Variants in ELN observed in about 807,000 individuals in gnomAD.
The protein encoded by ELN is tropoelastin.
Under a neutral mutation model 105.8 loss-of-function variants are expected in ELN, and 65 were observed. That is an observed-to-expected ratio of 0.61 (90% CI 0.50 to 0.75). The LOEUF (loss-of-function observed/expected upper bound fraction) is 0.75. Among genes scored for constraint, ELN ranks in the 30% least tolerant of loss-of-function variants. The pLI is 0.00. For synonymous variants in ELN, 368 were observed against 389.2 expected (o/e 0.95, Z 0.64); for missense variants, 882 against 969.4 (o/e 0.91, Z 1.20).
At chr7:74,048,903 T>TCATCCATC (rs1325839246) in intron 15 of ELN, among the ~76,000 whole-genome samples, 2 of 144,590 alleles carry the variant, frequency 1.4e-5, no homozygotes, top group African/African-American at 5.2e-5. Flanking sequence ...CTCCATCCAT[T>TCATCCATC]CATCCATCCA....
rs1250932435 is a variant in ELN at position 74,037,751 on chromosome 7, G to A, written c.196+12G>A. The A allele has an allele frequency of 2.5e-6, 4 of 1,610,932 alleles. No homozygotes were observed. The highest frequency in any genetic ancestry group is 3.4e-6 in the Non-Finnish European group (4 of 1,178,764). On this transcript the variant is annotated intron_variant, in intron 4 of 32. Coordinates refer to ENST00000252034, the MANE Select transcript of ELN (RefSeq NM_000501.4). ...ACCTCTTAAGCCAGGTAAGACCCAA[G>A]GCCTCGGAGCATTGAGAGACAGCGA...
chr7:74,045,805 T>A, intron 10 of ELN: 2 of 307,922 alleles, frequency 6.5e-6, no homozygotes, highest in South Asian at 6.7e-5. Context: ...TCCCAGCACT[T>A]TGGGAGGCCG....
chr7:74,039,561 G>A (rs1554667360), intron 4 of ELN, among the ~76,000 whole-genome samples: 1 of 152,210 alleles, frequency 6.6e-6, no homozygotes, highest in Non-Finnish European at 1.5e-5. Context: ...GCTTTTCCAC[G>A]TGGGCGCCAC....
At chr7:74,065,923 A>G in intron 30 of ELN, 21 bp from the exon 31 acceptor site, 1 of 1,613,828 alleles carries the variant, frequency 6.2e-7, no homozygotes, top group Non-Finnish European at 8.5e-7. Context: ...TCTTATCCTG[A>G]CCCCACCTGC....
At chr7:74,046,890 C>T in intron 12 of ELN, 123 bp downstream of exon 12, 1 of 1,131,868 alleles carries the variant, frequency 8.8e-7, no homozygotes. Flanking sequence ...TCAAGACTAG[C>T]CTGGCCAACA....
intron 5 of ELN, among the ~76,000 whole-genome samples, chr7:74,042,077 G>A (rs1791347518): frequency 6.6e-6 from 1 of 151,494 alleles, no homozygotes; most frequent in Non-Finnish European, 1.5e-5. Context: ...AAAAAAAAGA[G>A]CCATGCAGTT....
At chr7:74,052,916 G>GAAAGA (rs1248601454) in intron 17 of ELN, 77 of 566,408 alleles carry the variant, frequency 1.4e-4, no homozygotes, top group South Asian at 8.8e-4. Context: ...AGAAAGGAAG[G>GAAAGA]AAAGAAAAGA....
chr7:74,056,169 G>A, intron 19 of ELN, 102 bp from the exon 20 acceptor site: 1 of 1,488,326 alleles, frequency 6.7e-7, no homozygotes, highest in Non-Finnish European at 9.4e-7. Flanking sequence ...ACAAGGCCTG[G>A]GGGAAATTTA....
intron 2 of ELN, among the ~76,000 whole-genome samples, chr7:74,036,183 G>C (rs1426469405): frequency 1.3e-5 from 2 of 151,858 alleles, no homozygotes; most frequent in Admixed American, 1.3e-4. Flanking sequence ...CCAGCTACTC[G>C]GGAGGCTAAG....
At chr7:74,038,500 A>G (rs1408410714) in intron 4 of ELN, among the ~76,000 whole-genome samples, 1 of 152,236 alleles carries the variant, frequency 6.6e-6, no homozygotes, top group Non-Finnish European at 1.5e-5. Context: ...GCCTCGCCCA[A>G]GGGGCTGGGA....
intron 22 of ELN, chr7:74,059,547 G>A (rs1796119455): frequency 2.3e-6 from 1 of 428,030 alleles, no homozygotes; most frequent in Non-Finnish European, 4.3e-6. Flanking sequence ...AGCCGGGCAT[G>A]GTGGTGCGCA....
rs1333648651 is a variant in ELN at position 74,068,971 on chromosome 7, A to C, written c.*271A>C. ...CTTCCCACCTAGGAGCTCCCCCTCCACACAGCCTCCATCTCCAGGGGAACT... is the reference window on the plus strand; with the variant it reads ...CTTCCCACCTAGGAGCTCCCCCTCCCCACAGCCTCCATCTCCAGGGGAACT... On this transcript the variant is annotated 3_prime_UTR_variant, in exon 33 of 33. Transcript: ENST00000252034. 2 of 536,076 alleles carry C rather than the reference A, an allele frequency of 3.7e-6. No individual in the cohort carries two copies. Among genetic ancestry groups the C allele is most frequent in the African/African-American group, 3.8e-5 (2 of 52,672 alleles). 33.2% of individuals were successfully genotyped at this position (536,076 alleles called of 1,614,324 possible).
At position 74,069,569 on chromosome 7, in the gene ELN, C is replaced by A; in HGVS notation, c.*869C>A. The A allele has an allele frequency of 4.3e-6, 1 of 233,684 alleles. No individual in the cohort carries two copies. Among genetic ancestry groups the A allele is most frequent in the Non-Finnish European group, 8.5e-6 (1 of 118,052 alleles). The allele number at this position is 233,684 out of a possible 1,614,324, so 14.5% of individuals were successfully genotyped here. On this transcript the variant is annotated 3_prime_UTR_variant, in exon 33 of 33. Transcript: ENST00000252034. ...CCCCACATGCAGTACTGTATACCCC[C>A]CATCCCTCCCTCGGTCCACTGAACT...
At chr7:74,029,016 C>T (rs1156775394) in intron 1 of ELN, among the ~76,000 whole-genome samples, 1 of 152,154 alleles carries the variant, frequency 6.6e-6, no homozygotes, top group Non-Finnish European at 1.5e-5. Context: ...TGTCTGCTCA[C>T]AGGTTCATCC....
chr7:74,060,847 T>C (rs542604839), intron 25 of ELN, among the ~76,000 whole-genome samples: 4 of 152,300 alleles, frequency 2.6e-5, no homozygotes, highest in African/African-American at 9.6e-5. Flanking sequence ...ACTCCAGTTC[T>C]TCACCAGCTG....
intron 17 of ELN, 169 bp from the exon 18 acceptor site, chr7:74,052,992 CCT>C: frequency 1.1e-6 from 1 of 870,828 alleles, no homozygotes; most frequent in Non-Finnish European, 1.8e-6. Flanking sequence ...CTTTAGGGAC[CCT>C]CTTAGTCTCT....
chr7:74,056,180 C>A, intron 19 of ELN, 91 bp from the exon 20 acceptor site: 1 of 1,540,456 alleles, frequency 6.5e-7, no homozygotes. Context: ...GGGAAATTTA[C>A]ATCCTCTTTC....
intron 22 of ELN, 23 bp downstream of exon 22, chr7:74,057,719 A>G (rs782059416): frequency 9.9e-6 from 16 of 1,612,444 alleles, no homozygotes; most frequent in African/African-American, 1.3e-5. Context: ...CACCCCCGCC[A>G]CTGGCTCACG....
intron 21 of ELN, 45 bp downstream of exon 21, chr7:74,056,758 G>A (rs1554680266): frequency 6.2e-6 from 10 of 1,612,562 alleles, no homozygotes; most frequent in South Asian, 3.3e-5. Context: ...GCTCTCCCGC[G>A]GGGCTCAGGG....
Sources: gnomAD v4.1 joint callset for allele counts (sites outside exome capture counted in the v4.1 genomes callset) on GRCh38, gnomAD v4.1.1 for gene constraint, MANE v1.5 for transcripts, NCBI Gene and HGNC (gene_info 2026-07-23, HGNC 2026-07-21) for gene names.